The following NRG1 variants were observed in gnomAD, a reference collection of about 807,000 sequenced individuals.
NRG1 encodes the protein pro-neuregulin-1, membrane-bound isoform.
A neutral mutation model predicts 63.8 loss-of-function variants in NRG1; 18 were observed. That is an observed-to-expected ratio of 0.28 (90% CI 0.19 to 0.42). The LOEUF (loss-of-function observed/expected upper bound fraction) is 0.42. NRG1 is among the 10% of genes least tolerant of loss of function. The pLI is 1.00. For synonymous variants in NRG1, 302 were observed against 301.3 expected (o/e 1.00, Z -0.02); for missense variants, 762 against 814.7 (o/e 0.94, Z 0.79).
chr8:32,671,956 G>A (rs1805761451), intron 5 of NRG1, among the ~76,000 whole-genome samples: 1 of 151,988 alleles, frequency 6.6e-6, no homozygotes. Context: ...TTATGGGGGT[G>A]TCTTGTCATT....
chr8:32,358,725 G>A (rs1017520306), intron 1 of NRG1, among the ~76,000 whole-genome samples: 5 of 152,140 alleles, frequency 3.3e-5, no homozygotes, highest in African/African-American at 1.2e-4. Context: ...AACTTTGAGA[G>A]ATACCAATAT....
intron 5 of NRG1, among the ~76,000 whole-genome samples, chr8:32,683,010 G>T (rs73592645): frequency 0.019 from 2,919 of 152,104 alleles, 89 homozygotes; most frequent in African/African-American, 0.066. Flanking sequence ...CAGCCATTTA[G>T]AGAAGGCAAT....
intron 5 of NRG1, among the ~76,000 whole-genome samples, chr8:32,627,446 T>C (rs1849496692): frequency 6.6e-6 from 1 of 152,168 alleles, no homozygotes; most frequent in Non-Finnish European, 1.5e-5. Flanking sequence ...GTTTAGGCCA[T>C]CTGGAAATGT....
intron 1 of NRG1, among the ~76,000 whole-genome samples, chr8:32,266,481 A>G (rs1188099472): frequency 6.6e-6 from 1 of 152,200 alleles, no homozygotes; most frequent in African/African-American, 2.4e-5. Context: ...TGGATTTTCT[A>G]TCTAAGGAAG....
chr8:32,410,651 T>C (rs1814785658), intron 1 of NRG1, among the ~76,000 whole-genome samples: 1 of 152,140 alleles, frequency 6.6e-6, no homozygotes, highest in African/African-American at 2.4e-5. Flanking sequence ...CCAGAGTGTA[T>C]TGCCTTCAAC....
chr8:31,748,393 G>A (rs935569617), intron 1 of NRG1, among the ~76,000 whole-genome samples: 4 of 151,856 alleles, frequency 2.6e-5, no homozygotes, highest in African/African-American at 7.2e-5. Context: ...TAAGTATTTT[G>A]CTTATGGTCA....
chr8:31,804,756 T>C (rs1004964183), intron 1 of NRG1, among the ~76,000 whole-genome samples: 1 of 152,188 alleles, frequency 6.6e-6, no homozygotes, highest in Non-Finnish European at 1.5e-5. Context: ...CACACCCACA[T>C]TGAAGATTAT....
chr8:31,781,771 G>A (rs1015744451), intron 1 of NRG1, among the ~76,000 whole-genome samples: 1 of 151,988 alleles, frequency 6.6e-6, no homozygotes, highest in African/African-American at 2.4e-5. Context: ...CAGACCCTCT[G>A]AAACAGAATC....
At chr8:31,696,407 G>C (rs1174049324) in intron 1 of NRG1, among the ~76,000 whole-genome samples, 1 of 152,196 alleles carries the variant, frequency 6.6e-6, no homozygotes, top group Admixed American at 6.5e-5. Flanking sequence ...TGCTGGTTCA[G>C]AGGATATATC....
At chr8:32,698,971 T>G (rs1233105347) in intron 5 of NRG1, among the ~76,000 whole-genome samples, 1 of 152,222 alleles carries the variant, frequency 6.6e-6, no homozygotes, top group South Asian at 2.1e-4. Flanking sequence ...TTCCACCTCA[T>G]TCATTTACAA....
intron 1 of NRG1, among the ~76,000 whole-genome samples, chr8:32,419,304 T>G (rs1816364082): frequency 6.6e-6 from 1 of 152,236 alleles, no homozygotes; most frequent in South Asian, 2.1e-4. Context: ...AATATCTCCA[T>G]ACTGTTTTGC....
At chr8:32,236,199 T>C (rs973398499) in intron 1 of NRG1, among the ~76,000 whole-genome samples, 4 of 151,886 alleles carry the variant, frequency 2.6e-5, no homozygotes, top group African/African-American at 9.7e-5. Context: ...ATGACATCGT[T>C]TTTTGGAATG....
chr8:31,798,058 C>T (rs188925781), intron 1 of NRG1, among the ~76,000 whole-genome samples: 4 of 151,876 alleles, frequency 2.6e-5, no homozygotes, highest in African/African-American at 2.4e-5. Flanking sequence ...GGAGAGGGAA[C>T]GGTTGGTTAA....
intron 1 of NRG1, among the ~76,000 whole-genome samples, chr8:32,407,363 C>A (rs996504046): frequency 2.1e-5 from 3 of 143,174 alleles, no homozygotes; most frequent in Middle Eastern, 4.1e-3. Context: ...GTAGCTCTCT[C>A]TATATATGTT....
intron 1 of NRG1, among the ~76,000 whole-genome samples, chr8:32,508,955 G>C (rs865837383): frequency 6.6e-6 from 1 of 151,448 alleles, no homozygotes; most frequent in African/African-American, 2.4e-5. Context: ...CGCTAGTCTC[G>C]AACTCCTGAC....
At chr8:32,642,020 T>C (rs1246441771) in intron 5 of NRG1, among the ~76,000 whole-genome samples, 1 of 152,206 alleles carries the variant, frequency 6.6e-6, no homozygotes, top group Non-Finnish European at 1.5e-5. Flanking sequence ...CCTCCACTGA[T>C]AGGATCTGTG....
chr8:32,614,646 C>A, intron 4 of NRG1, 82 bp downstream of exon 4: 1 of 1,261,728 alleles, frequency 7.9e-7, no homozygotes, highest in Non-Finnish European at 1.2e-6. Context: ...AATCAGAACC[C>A]CTTCTGCATC....
chr8:31,698,752 T>G (rs1474039656), intron 1 of NRG1, among the ~76,000 whole-genome samples: 1 of 152,224 alleles, frequency 6.6e-6, no homozygotes, highest in Non-Finnish European at 1.5e-5. Context: ...GCATATCAAC[T>G]AAAGATGAAA....
chr8:32,759,002 A>C (rs1297826352), intron 9 of NRG1, among the ~76,000 whole-genome samples: 1 of 152,208 alleles, frequency 6.6e-6, no homozygotes, highest in Non-Finnish European at 1.5e-5. Context: ...TTAATTTAAA[A>C]TAAAATAGAA....
Sources: gnomAD v4.1 joint callset for allele counts (sites outside exome capture counted in the v4.1 genomes callset) on GRCh38, gnomAD v4.1.1 for gene constraint, MANE v1.5 for transcripts, NCBI Gene and HGNC (gene_info 2026-07-23, HGNC 2026-07-21) for gene names.